Variants in ASH1L observed in about 807,000 individuals in gnomAD.
The protein encoded by ASH1L is ASH1 like histone lysine methyltransferase.
In ASH1L, 23 loss-of-function variants were observed where a neutral mutation model predicts 269.0. The ratio of observed to expected loss-of-function variants is 0.09; its 90% CI spans 0.06 to 0.12. The LOEUF is 0.12. ASH1L is among the 10% of genes least tolerant of loss of function. The pLI is 1.00. For synonymous variants in ASH1L, 1,187 were observed against 1,253.5 expected, an observed-to-expected ratio of 0.95 and a Z score of 1.12; for missense variants, 2,912 against 3,567.8, an observed-to-expected ratio of 0.82 and a Z score of 4.68.
At chr1:155,346,938 ACTT>A (rs1229142050) in intron 20 of ASH1L, among the ~76,000 whole-genome samples, 3 of 152,180 alleles carry the variant, frequency 2.0e-5, no homozygotes, top group African/African-American at 7.2e-5. Context: ...CCAGGCTTTG[ACTT>A]CTTCATCAGG....
chr1:155,439,057 G>T lies in ASH1L; in HGVS notation c.5098C>A (p.Pro1700Thr), dbSNP rs764103244. The change falls in exon 5 of 28, where the codon CCC becomes ACC. Residue 1700 changes from proline to threonine, a missense_variant. By Grantham distance (38) the Pro-to-Thr change is conservative. Transcript: ENST00000392403. The stretch of plus-strand genomic sequence containing the variant: ...GCAACTAATCTTGGACTTCGAGAGG[G>T]AACTCCGTTTACTGAAAGAGACAAT... ...ESTSSTVNGV[P>T]SRSPRLVASG... 2 of 1,602,846 alleles carry T rather than the reference G, an allele frequency of 1.2e-6. No homozygotes were observed. The highest frequency in any genetic ancestry group is 2.2e-5 in the South Asian group (2 of 89,292).
intron 20 of ASH1L, 112 bp from the exon 21 acceptor site, chr1:155,346,581 T>A: frequency 1.2e-6 from 1 of 803,962 alleles, no homozygotes; most frequent in Non-Finnish European, 2.1e-6. Flanking sequence ...AAAGAGGAAC[T>A]AAGGGATAAC....
At chr1:155,545,934 A>T (rs1472893022) in intron 1 of ASH1L, among the ~76,000 whole-genome samples, 1 of 152,088 alleles carries the variant, frequency 6.6e-6, no homozygotes, top group Non-Finnish European at 1.5e-5. Flanking sequence ...AGGCAGGCAG[A>T]TCACTAGATG....
chr1:155,413,405 A>G (rs899459211), intron 6 of ASH1L, among the ~76,000 whole-genome samples: 3 of 152,200 alleles, frequency 2.0e-5, no homozygotes, highest in Non-Finnish European at 4.4e-5. Context: ...CAGGAATTCA[A>G]GACCAGTCTG....
At chr1:155,467,537 A>T (rs529251181) in intron 3 of ASH1L, among the ~76,000 whole-genome samples, 4 of 152,292 alleles carry the variant, frequency 2.6e-5, no homozygotes, top group African/African-American at 7.2e-5. Context: ...ATAAGATTTA[A>T]TTTTACAGTG....
At chr1:155,418,773 A>G (rs1160093258) in intron 5 of ASH1L, among the ~76,000 whole-genome samples, 1 of 152,196 alleles carries the variant, frequency 6.6e-6, no homozygotes, top group Admixed American at 6.5e-5. Context: ...TGAAGAAAAC[A>G]AAAGAAGCTA....
intron 6 of ASH1L, among the ~76,000 whole-genome samples, chr1:155,406,559 C>G (rs1039038685): frequency 2.6e-5 from 4 of 152,000 alleles, no homozygotes; most frequent in African/African-American, 7.2e-5. Context: ...TAAAAAATAG[C>G]TGGGTGTGGT....
At chr1:155,484,928 C>CA (rs761331437) in intron 2 of ASH1L, among the ~76,000 whole-genome samples, 3,110 of 82,618 alleles carry the variant, frequency 0.038, 137 homozygotes, top group Non-Finnish European at 0.046. Flanking sequence ...TGCTCTGTCT[C>CA]AAAAAAAAAA....
intron 15 of ASH1L, among the ~76,000 whole-genome samples, chr1:155,357,079 AC>A (rs1379418548): frequency 3.7e-4 from 1 of 2,722 alleles, no homozygotes; most frequent in Non-Finnish European, 8.9e-3. Context: ...TCCCAGCTCT[AC>A]ACACACACAC....
At chr1:155,498,068 G>A (rs1027948319) in intron 2 of ASH1L, among the ~76,000 whole-genome samples, 3 of 152,030 alleles carry the variant, frequency 2.0e-5, no homozygotes, top group African/African-American at 7.2e-5. Context: ...AAATTCTAAC[G>A]AATGCTAAAA....
In ASH1L at chr1:155,548,472, T is replaced by C. The variant is rs150544521; in HGVS notation, c.-100+13681A>G. 6.8e-3 allele frequency among the ~76,000 whole-genome samples: 1,039 copies of C among 151,978 alleles called. 8 individuals carry two copies. Among genetic ancestry groups the C allele is most frequent in the African/African-American group, 0.024 (990 of 41,460 alleles). ...TGGGAGGTGGGGGTTGCAGTGAACC[T>C]AGATGGCACCATTGTACTCCAGCCT... On this transcript the variant is annotated intron_variant, in intron 1 of 27. Coordinates refer to ENST00000392403, the MANE Select transcript of ASH1L (RefSeq NM_018489.3).
Position 155,378,717 on chromosome 1 carries a change from T to C in ASH1L, c.6178-169A>G, listed in dbSNP as rs576757969. On this transcript the variant is annotated intron_variant, in intron 8 of 27. Coordinates refer to ENST00000392403, the MANE Select transcript of ASH1L (RefSeq NM_018489.3). ...GAGGGAAACTCTTGGTGTGATCTCT[T>C]TTTACTCTGAAATAAAAGGTGAGAG... Among the ~76,000 whole-genome samples the C allele has an allele frequency of 6.6e-5, 10 of 152,318 alleles. No individual in the cohort carries two copies. In the East Asian group the frequency reaches 1.5e-3, roughly 24 times the overall value.
At chr1:155,390,712 C>G (rs775197122) in intron 7 of ASH1L, among the ~76,000 whole-genome samples, 6 of 139,838 alleles carry the variant, frequency 4.3e-5, no homozygotes, top group Non-Finnish European at 7.6e-5. Context: ...GTGGCGTGAT[C>G]TCGGCTCACT....
chr1:155,479,083 C>T lies in ASH1L; in HGVS notation c.3787G>A (p.Asp1263Asn). 1 of 1,614,040 alleles carries T rather than the reference C, an allele frequency of 6.2e-7. No homozygotes were observed. The highest frequency in any genetic ancestry group is 8.5e-7 in the Non-Finnish European group (1 of 1,180,018). ...KRRNHDYLSY[D>N]KMKRQKRKRK... ...TTTCGTTTCTGCCTTTTCATCTTGT[C>T]ATAGCTGAGGTAATCATGATTCCTG... The change falls in exon 3 of 28, where the codon GAC (aspartate) becomes AAC (asparagine). Residue 1263 changes from aspartate to asparagine, a missense_variant. This residue lies in a region of ASH1L where 789 missense variants were observed against 897.6 expected (regional missense o/e 0.88). Transcript: ENST00000392403.
chr1:155,538,042 G>C (rs541851673), intron 1 of ASH1L, among the ~76,000 whole-genome samples: 3 of 150,216 alleles, frequency 2.0e-5, no homozygotes, highest in Non-Finnish European at 3.0e-5. Context: ...TTTTATTTTT[G>C]GAGATGGAGT....
intron 4 of ASH1L, among the ~76,000 whole-genome samples, chr1:155,448,521 A>C (rs560262280): frequency 6.6e-6 from 1 of 152,254 alleles, no homozygotes; most frequent in African/African-American, 2.4e-5. Flanking sequence ...TTTGAGACGG[A>C]GACTTGCTCC....
intron 6 of ASH1L, among the ~76,000 whole-genome samples, chr1:155,407,194 G>A (rs1659368837): frequency 6.6e-6 from 1 of 152,072 alleles, no homozygotes; most frequent in Non-Finnish European, 1.5e-5. Flanking sequence ...CTGCACTCCA[G>A]CCTGGGAGAC....
intron 5 of ASH1L, chr1:155,433,920 A>G (rs771768507): frequency 6.3e-7 from 1 of 1,591,018 alleles, no homozygotes; most frequent in South Asian, 1.1e-5. Context: ...AACCTGGAGA[A>G]TTTGTTCCTG....
intron 4 of ASH1L, among the ~76,000 whole-genome samples, chr1:155,444,803 G>C: frequency 6.7e-6 from 1 of 148,728 alleles, no homozygotes; most frequent in South Asian, 2.1e-4. Flanking sequence ...ATTTTTAGTA[G>C]AGACGGGGTT....
Sources: allele counts gnomAD v4.1 joint callset (sites outside exome capture counted in the v4.1 genomes callset), GRCh38; gene constraint gnomAD v4.1.1; regional missense constraint gnomAD v4.1.1; transcripts MANE v1.5; gene names NCBI Gene and HGNC (gene_info 2026-07-23, HGNC 2026-07-21).